TTN: variants seen among roughly 807,000 people sequenced by gnomAD.
TTN encodes titin.
TTN carries 1,525 observed loss-of-function variants against 3,223.0 expected under a neutral mutation model. That is an observed-to-expected ratio of 0.47 (90% CI 0.45 to 0.49). The LOEUF (loss-of-function observed/expected upper bound fraction) is 0.49, where lower values mean the gene tolerates loss of function less well. Ranked by LOEUF, TTN falls within the 20% of genes least tolerant of loss-of-function variation. The pLI, the probability that TTN is intolerant of heterozygous loss-of-function variation, is 0.00. For missense variants in TTN, 40,786 were observed against 43,424.0 expected (o/e 0.94, Z 5.40); for synonymous variants, 14,094 against 15,161.0 (o/e 0.93, Z 5.17).
chr2:178,587,439 G>A (rs1398961799), intron 306 of TTN, 22 bp from the exon 307 acceptor site: 1 of 1,602,714 alleles, frequency 6.2e-7, no homozygotes, highest in Non-Finnish European at 8.5e-7. Flanking sequence ...CATAAAATCA[G>A]ATATACATGT....
chr2:178,679,395 G>A lies in TTN; in HGVS notation c.33686C>T (p.Pro11229Leu). 6.2e-7 allele frequency: 1 copy of A among 1,612,610 alleles called. No homozygotes were observed. Among genetic ancestry groups the A allele is most frequent in the Non-Finnish European group, 8.5e-7 (1 of 1,179,086 alleles). Residue 11229 changes from proline to leucine, a missense_variant, in exon 142 of 363, where the codon CCA becomes CTA. By Grantham distance (98) the Pro-to-Leu change is moderately conservative. Transcript: ENST00000589042. ...AATAAGCACAGGAACTTTCTCCTCT[G>A]GCTTCTTAGGAACCTCAGGCACTTT... ...PAKVPEVPKK[P>L]EEKVPVLIPK...
At position 178,570,237 on chromosome 2, in the gene TTN, T is replaced by G; in HGVS notation, c.75895A>C (p.Lys25299Gln). The G allele has an allele frequency of 1.2e-6, 2 of 1,613,428 alleles. No homozygotes were observed. Among genetic ancestry groups the G allele is most frequent in the Non-Finnish European group, 1.7e-6 (2 of 1,179,634 alleles). Residue 25299 changes from lysine to glutamine, a missense_variant, in exon 326 of 363, where the codon AAG (lysine) becomes CAG (glutamine). Transcript: ENST00000589042. The stretch of plus-strand genomic sequence containing the variant: ...GCATCTGGTACTACAAATGGATTCT[T>G]GGCAACTACTGGCTCAGATTCAAGA... ...EPLESEPVVA[K>Q]NPFVVPDAPK...
chr2:178,531,722 C>G lies in TTN; in HGVS notation c.104893G>C (p.Val34965Leu), dbSNP rs886042785. The change falls in exon 358 of 363, where the codon GTT (valine) becomes CTT (leucine). Residue 34965 changes from valine (V) to leucine (L), a missense_variant. Val to Leu is a conservative substitution (Grantham distance 32). Coordinates refer to ENST00000589042, the MANE Select transcript of TTN (RefSeq NM_001267550.2). ...CGQNTRFILNVQSKPTAEVKW... is the reference protein window; with the variant it reads ...CGQNTRFILNLQSKPTAEVKW... ...ACCTCGGCAGTTGGCTTAGACTGAACATTTAAAATAAAACGTGTATTTTGG... is the reference window on the plus strand; with the variant it reads ...ACCTCGGCAGTTGGCTTAGACTGAAGATTTAAAATAAAACGTGTATTTTGG... 7.4e-6 allele frequency: 12 copies of G among 1,613,872 alleles called. No homozygotes were observed. Among genetic ancestry groups the G allele is most frequent in the Non-Finnish European group, 5.9e-6 (7 of 1,179,888 alleles).
intron 15 of TTN, among the ~76,000 whole-genome samples, chr2:178,785,257 G>A (rs989242641): frequency 6.6e-6 from 1 of 152,102 alleles, no homozygotes; most frequent in African/African-American, 2.4e-5. Flanking sequence ...ACTCTGAAAT[G>A]TCTCACAGCA....
rs747890110 is a variant in TTN, at chr2:178,713,087, C to T, written c.27047G>A (p.Arg9016Lys). Residue 9016 changes from arginine (R) to lysine (K), a missense_variant and splice_region_variant, in exon 93 of 363, where the codon AGA becomes AAA. Coordinates refer to ENST00000589042, the MANE Select transcript of TTN (RefSeq NM_001267550.2). ...ATTTTACTGTTTTGTAAACTGACCTCTCACAGTCAAAGGAGCACTACATTC... is the reference window on the plus strand; with the variant it reads ...ATTTTACTGTTTTGTAAACTGACCTTTCACAGTCAAAGGAGCACTACATTC... Reference protein sequence around the residue: ...SDECSAPLTVREPPSFVQKPD... With the variant: ...SDECSAPLTVKEPPSFVQKPD... The T allele has an allele frequency of 6.8e-6, 11 of 1,611,938 alleles. No individual in the cohort carries two copies. The South Asian group carries it at 9.9e-5, about 14-fold the overall frequency.
chr2:178,698,345 TG>T (rs1237344146), intron 112 of TTN, among the ~76,000 whole-genome samples: 1 of 152,054 alleles, frequency 6.6e-6, no homozygotes, highest in African/African-American at 2.4e-5. Context: ...AATAGTGTAC[TG>T]TACATTTCAA....
At chr2:178,770,698 G>T (rs1328314923) in intron 34 of TTN, 23 bp from the exon 35 acceptor site, 7 of 1,605,650 alleles carry the variant, frequency 4.4e-6, no homozygotes, top group Non-Finnish European at 5.9e-6. Flanking sequence ...TTATGATTGG[G>T]TTAGAAAATA....
Position 178,565,724 on chromosome 2 carries a change from TTC to T in TTN, c.80406_80407del (p.Lys26803ThrfsTer2). 2 of 1,613,578 alleles carry T rather than the reference TTC, an allele frequency of 1.2e-6. No individual in the cohort carries two copies. The highest frequency in any genetic ancestry group is 1.7e-6 in the Non-Finnish European group (2 of 1,179,616). Reference sequence around the variant, plus strand: ...TCTGCTACCGCCATCATGTTCAGGTTTCTCCCACATAAGTGATGCACTGGTCT... The same window carrying T: ...TCTGCTACCGCCATCATGTTCAGGTTTCCCACATAAGTGATGCACTGGTCT... On this transcript the variant is annotated frameshift_variant, in exon 326 of 363. Coordinates refer to ENST00000589042, the MANE Select transcript of TTN (RefSeq NM_001267550.2). LOFTEE classifies it high-confidence loss of function.
rs749405543 is a variant in TTN, at chr2:178,725,521, T to C, written c.20683A>G (p.Ile6895Val). 1 of 1,613,340 alleles carries C rather than the reference T, an allele frequency of 6.2e-7. No individual in the cohort carries two copies. Among genetic ancestry groups the C allele is most frequent in the Non-Finnish European group, 8.5e-7 (1 of 1,179,500 alleles). ...VQWLKEKEEV[I>V]RESENIRITF... ...ATCCTGATGTTTTCACTTTCTCTAA[T>C]CACTTCTTCCTTCTCTTTAAGCCAC... The change falls in exon 71 of 363, where the codon ATT becomes GTT. Residue 6895 changes from isoleucine to valine, a missense_variant. Transcript: ENST00000589042.
chr2:178,565,757 A>C lies in TTN; in HGVS notation c.80375T>G (p.Val26792Gly). The change falls in exon 326 of 363, where the codon GTG becomes GGG. Residue 26792 changes from valine (V) to glycine (G), a missense_variant. Val to Gly is a moderately radical substitution (Grantham distance 109). Coordinates refer to ENST00000589042, the MANE Select transcript of TTN (RefSeq NM_001267550.2). ...CATAAGTGATGCACTGGTCTGGGAC[A>C]CATCAGTGAGTGTAACCTTTCCTGG... ...SPPGKVTLTD[V>G]SQTSASLMWE... 1 of 1,613,602 alleles carries C rather than the reference A, an allele frequency of 6.2e-7. No homozygotes were observed. The highest frequency in any genetic ancestry group is 8.5e-7 in the Non-Finnish European group (1 of 1,179,634).
rs776187090 is a variant in TTN, at chr2:178,764,613, G to T, written c.9902C>A (p.Ala3301Asp). 4 of 1,614,114 alleles carry T rather than the reference G, an allele frequency of 2.5e-6. No individual in the cohort carries two copies. The highest frequency in any genetic ancestry group is 1.7e-4 in the Middle Eastern group (1 of 6,050). Residue 3301 changes from alanine (A) to aspartate (D), a missense_variant, in exon 42 of 363, where the codon GCC (alanine) becomes GAC (aspartate). By Grantham distance (126) the Ala-to-Asp change is moderately radical. Coordinates refer to ENST00000589042, the MANE Select transcript of TTN (RefSeq NM_001267550.2). Reference sequence around the variant, plus strand: ...ATAGACTGCCGCATCCTCTGGGAAGGCTTCAATTAGCAAAAGCGTGTATTC... The same window carrying T: ...ATAGACTGCCGCATCCTCTGGGAAGTCTTCAATTAGCAAAAGCGTGTATTC... ...GQEYTLLLIE[A>D]FPEDAAVYTC... is the part of the protein sequence containing the mutation.
Position 178,740,201 on chromosome 2 carries a change from C to T in TTN, c.13032G>A (p.Glu4344=), listed in dbSNP as rs1320735380. Residue 4344 remains glutamate (E), a synonymous_variant, in exon 48 of 363, where the codon GAG becomes GAA. Transcript: ENST00000589042. ...LEEKQVLLKE[E]HSDNVVMPPD... ...GGGGCATCACCACGTTGTCAGAATG[C>T]TCTTCTTTGAGCAGTACCTGCTTTT... is the stretch of plus-strand genomic sequence containing the variant. The T allele has an allele frequency of 1.2e-6, 2 of 1,613,448 alleles. No individual in the cohort carries two copies. Among genetic ancestry groups the T allele is most frequent in the South Asian group, 1.1e-5 (1 of 91,014 alleles).
rs531432790 is a variant in TTN, at chr2:178,548,846, A to T, written c.92780T>A (p.Ile30927Lys). 520 of 1,613,414 alleles carry T rather than the reference A, an allele frequency of 3.2e-4. 3 individuals are homozygous for T. The South Asian group carries it at 5.1e-3, about 16-fold the overall frequency. The change falls in exon 339 of 363, where the codon ATA becomes AAA. Residue 30927 changes from isoleucine to lysine, a missense_variant. Ile to Lys is a moderately radical substitution (Grantham distance 102). Coordinates refer to ENST00000589042, the MANE Select transcript of TTN (RefSeq NM_001267550.2). This position sits in a 1 kb window ranked among gnomAD's most constrained non-coding sequence, Gnocchi z 4.3. ...VDRLTAPELD[I>K]DANFKQTHVV... ...ATGAGTCTGTTTGAAGTTTGCATCTATGTCTAACTCAGGAGCTGTTAACCG... is the reference window on the plus strand; with the variant it reads ...ATGAGTCTGTTTGAAGTTTGCATCTTTGTCTAACTCAGGAGCTGTTAACCG...
intron 69 of TTN, chr2:178,726,709 A>G (rs1010814931): frequency 2.4e-4 from 38 of 160,992 alleles, no homozygotes; most frequent in Non-Finnish European, 4.0e-5. Context: ...TTGCATAGAT[A>G]TAGTAAAAGT....
Position 178,569,069 on chromosome 2 carries a change from T to C in TTN, c.77063A>G (p.Gln25688Arg). ...ENEYGIGLPA[Q>R]TADPIKVAEV... ...TGCAACCTTAATTGGATCAGCAGTCTGGGCAGGAAGGCCAATACCATACTC... is the reference window on the plus strand; with the variant it reads ...TGCAACCTTAATTGGATCAGCAGTCCGGGCAGGAAGGCCAATACCATACTC... The change falls in exon 326 of 363, where the codon CAG (glutamine) becomes CGG (arginine). Residue 25688 changes from glutamine to arginine, a missense_variant. Coordinates refer to ENST00000589042, the MANE Select transcript of TTN (RefSeq NM_001267550.2). 6.2e-7 allele frequency: 1 copy of C among 1,613,344 alleles called. No individual in the cohort carries two copies.
At chr2:178,664,590 C>G in intron 167 of TTN, 53 bp from the exon 168 acceptor site, 1 of 1,604,794 alleles carries the variant, frequency 6.2e-7, no homozygotes, top group South Asian at 1.1e-5. Context: ...TCAACACAAT[C>G]AGGAAAAACA....
rs777671590 is a variant in TTN, at chr2:178,730,156, A to T, written c.18244T>A (p.Tyr6082Asn). 3 of 1,613,304 alleles carry T rather than the reference A, an allele frequency of 1.9e-6. No individual in the cohort carries two copies. The highest frequency in any genetic ancestry group is 2.5e-6 in the Non-Finnish European group (3 of 1,179,608). Residue 6082 changes from tyrosine (Y) to asparagine (N), a missense_variant, in exon 62 of 363, where the codon TAC (tyrosine) becomes AAC (asparagine). Tyr to Asn is a moderately radical substitution (Grantham distance 143). Transcript: ENST00000589042. The part of the protein sequence containing the change: ...FAAKATDSGT[Y>N]ICQLSNDVGT... ...ACATCATTGCTTAGTTGGCAAATGT[A>T]GGTTCCAGAATCGGTAGCTTTGGCT...
chr2:178,527,584 A>C lies in TTN; in HGVS notation c.107542T>G (p.Phe35848Val). Reference protein sequence around the residue: ...SSASSMTEMKFASMSAQSMSS... With the variant: ...SSASSMTEMKVASMSAQSMSS... The stretch of plus-strand genomic sequence containing the variant: ...ATGCTTTGGGCAGACATGCTTGCAA[A>C]TTTCATCTCAGTCATGCTGCTAGCA... The change falls in exon 362 of 363, where the codon TTT (phenylalanine) becomes GTT (valine). Residue 35848 changes from phenylalanine to valine, a missense_variant. Physicochemically the swap from Phe to Val is conservative, Grantham distance 50 (BLOSUM62 -1). Transcript: ENST00000589042. 1.9e-6 allele frequency: 3 copies of C among 1,614,016 alleles called. No homozygotes were observed. The highest frequency in any genetic ancestry group is 1.7e-5 in the Admixed American group (1 of 60,026).
intron 337 of TTN, 56 bp downstream of exon 337, chr2:178,549,930 C>A: frequency 6.4e-7 from 1 of 1,551,606 alleles, no homozygotes; most frequent in South Asian, 1.3e-5. Flanking sequence ...TACAACTAGG[C>A]ATGTCTCTAA....
Sources: allele counts gnomAD v4.1 joint callset (sites outside exome capture counted in the v4.1 genomes callset), GRCh38; gene constraint gnomAD v4.1.1; non-coding constraint Gnocchi (gnomAD v3.1); transcripts MANE v1.5; gene names NCBI Gene and HGNC (gene_info 2026-07-23, HGNC 2026-07-21).